The following TMEM108 variants were observed in gnomAD, a reference collection of about 807,000 sequenced individuals.
TMEM108 encodes cancer/testis antigen 124.
TMEM108 carries 12 observed loss-of-function variants against 35.1 expected under a neutral mutation model. The observed-to-expected ratio is 0.34, with a 90% CI of 0.22 to 0.55. The LOEUF (loss-of-function observed/expected upper bound fraction) is 0.55, where lower values mean the gene tolerates loss of function less well. Ranked by LOEUF, TMEM108 falls within the 20% of genes least tolerant of loss-of-function variation. The pLI, the probability that TMEM108 is intolerant of heterozygous loss-of-function variation, is 0.89. For synonymous variants in TMEM108, 287 were observed against 308.6 expected (o/e 0.93, Z 0.73); for missense variants, 680 against 753.3 (o/e 0.90, Z 1.14).
Position 133,397,293 on chromosome 3 carries a change from T to C in TMEM108, c.*1307T>C, listed in dbSNP as rs2073319453. On this transcript the variant is annotated 3_prime_UTR_variant, in exon 6 of 6. Transcript: ENST00000321871. ...GATAGTATATTTTGAATATAGATGC[T>C]CTTATAGTCAGATTGGGAATTGAAC... The C allele has an allele frequency of 1.3e-5, 2 of 152,182 alleles. No individual in the cohort carries two copies. The highest frequency in any genetic ancestry group is 1.3e-4 in the Admixed American group (2 of 15,290). The allele number at this position is 152,182 out of a possible 1,614,324, so 9.4% of individuals were successfully genotyped here. A position where few individuals can be genotyped will look rare whatever the true frequency, so the allele number is the denominator to read the frequency against.
chr3:133,077,387 G>A (rs1943755276), intron 2 of TMEM108, among the ~76,000 whole-genome samples: 1 of 152,112 alleles, frequency 6.6e-6, no homozygotes, highest in Non-Finnish European at 1.5e-5. Context: ...GTAGGGTTCT[G>A]CCCAGGGGAG....
At chr3:133,302,680 A>G (rs373078432) in intron 3 of TMEM108, among the ~76,000 whole-genome samples, 155 of 152,150 alleles carry the variant, frequency 1.0e-3, no homozygotes, top group African/African-American at 3.7e-3. Flanking sequence ...TCGGCCTCCC[A>G]AAGTGCTGGG....
chr3:133,286,340 A>AT (rs112441403), intron 3 of TMEM108, among the ~76,000 whole-genome samples: 1,941 of 149,702 alleles, frequency 0.013, 14 homozygotes, highest in South Asian at 0.024. Flanking sequence ...TTATTTATTT[A>AT]TTTTTTTTTT....
At chr3:133,172,785 C>T (rs1415171899) in intron 2 of TMEM108, among the ~76,000 whole-genome samples, 1 of 152,172 alleles carries the variant, frequency 6.6e-6, no homozygotes, top group Non-Finnish European at 1.5e-5. Flanking sequence ...ATCTCATCTT[C>T]AATTCCCATG....
chr3:133,384,360 G>A (rs1434151608), intron 4 of TMEM108, among the ~76,000 whole-genome samples: 4 of 152,192 alleles, frequency 2.6e-5, no homozygotes, highest in East Asian at 1.9e-4. Context: ...GCTGGGCAGC[G>A]GTGATCCTCT....
At chr3:133,384,785 C>CTGTT (rs1186473850) in intron 4 of TMEM108, among the ~76,000 whole-genome samples, 3 of 152,166 alleles carry the variant, frequency 2.0e-5, no homozygotes, top group African/African-American at 4.8e-5. Context: ...GGTCCTTTGC[C>CTGTT]TGTTTGTCAC....
intron 2 of TMEM108, among the ~76,000 whole-genome samples, chr3:133,197,128 A>G (rs950916201): frequency 2.0e-5 from 3 of 152,246 alleles, no homozygotes; most frequent in East Asian, 1.9e-4. Context: ...ACAAAATGAT[A>G]TAACATAGAC....
intron 2 of TMEM108, among the ~76,000 whole-genome samples, chr3:133,189,907 A>C (rs1945474249): frequency 6.6e-6 from 1 of 152,196 alleles, no homozygotes; most frequent in Non-Finnish European, 1.5e-5. Flanking sequence ...AGCATGATAA[A>C]GGCATAGTTT....
intron 2 of TMEM108, among the ~76,000 whole-genome samples, chr3:133,059,475 C>G (rs1943511161): frequency 1.3e-5 from 2 of 152,150 alleles, no homozygotes; most frequent in Admixed American, 1.3e-4. Flanking sequence ...TAAACTTTCT[C>G]TTTCTTATAA....
chr3:133,143,026 C>T (rs1944662684), intron 2 of TMEM108, among the ~76,000 whole-genome samples: 1 of 152,158 alleles, frequency 6.6e-6, no homozygotes, highest in Non-Finnish European at 1.5e-5. Context: ...TATTATACCC[C>T]TTCTCTATCC....
At chr3:133,078,003 C>T (rs1387870899) in intron 2 of TMEM108, among the ~76,000 whole-genome samples, 1 of 152,038 alleles carries the variant, frequency 6.6e-6, no homozygotes, top group Non-Finnish European at 1.5e-5. Flanking sequence ...GACTTTTATA[C>T]AAACTAAAAT....
intron 3 of TMEM108, among the ~76,000 whole-genome samples, chr3:133,321,829 CCT>C (rs1226386157): frequency 6.6e-6 from 1 of 152,016 alleles, no homozygotes; most frequent in Non-Finnish European, 1.5e-5. Context: ...TACCAAGTGC[CCT>C]CTCAGACCAC....
intron 3 of TMEM108, among the ~76,000 whole-genome samples, chr3:133,291,464 G>A (rs1947067499): frequency 6.6e-6 from 1 of 151,998 alleles, no homozygotes; most frequent in Non-Finnish European, 1.5e-5. Flanking sequence ...TTTTTGTAGA[G>A]ACACGGTCTC....
intron 2 of TMEM108, among the ~76,000 whole-genome samples, chr3:133,076,555 A>G (rs1440293971): frequency 6.6e-6 from 1 of 152,214 alleles, no homozygotes; most frequent in African/African-American, 2.4e-5. Flanking sequence ...GAAAAATTGC[A>G]GATGCAGTAT....
At chr3:133,078,820 T>G (rs1280259671) in intron 2 of TMEM108, among the ~76,000 whole-genome samples, 1 of 152,188 alleles carries the variant, frequency 6.6e-6, no homozygotes, top group African/African-American at 2.4e-5. Context: ...TTTATCATAG[T>G]TGGATCTTGT....
intron 2 of TMEM108, among the ~76,000 whole-genome samples, chr3:133,089,088 C>CCA (rs35257515): frequency 0.086 from 13,086 of 152,130 alleles, 677 homozygotes; most frequent in East Asian, 0.12. Flanking sequence ...TTTTAAACAA[C>CCA]CAGATCTCAC....
At chr3:133,094,221 ACCCCACCCCCCACCCC>A (rs1943983663) in intron 2 of TMEM108, among the ~76,000 whole-genome samples, 1 of 34,248 alleles carries the variant, frequency 2.9e-5, no homozygotes, top group South Asian at 1.4e-3. Flanking sequence ...CCCACCTCCC[ACCCCACCCCCCACCCC>A]CCCCACACAC....
At chr3:133,201,811 T>C (rs913525559) in intron 2 of TMEM108, among the ~76,000 whole-genome samples, 4 of 152,238 alleles carry the variant, frequency 2.6e-5, no homozygotes, top group South Asian at 2.1e-4. Context: ...TGTGGGTATA[T>C]ACCCAGTAAC....
chr3:133,379,643 C>T, intron 3 of TMEM108, 109 bp from the exon 4 acceptor site: 1 of 1,088,394 alleles, frequency 9.2e-7, no homozygotes, highest in South Asian at 1.5e-5. Context: ...CAGGAATGCT[C>T]CTGACGTTTC....
Sources: gnomAD v4.1 joint callset for allele counts (sites outside exome capture counted in the v4.1 genomes callset) on GRCh38, gnomAD v4.1.1 for gene constraint, MANE v1.5 for transcripts, NCBI Gene and HGNC (gene_info 2026-07-23, HGNC 2026-07-21) for gene names.